Variants in SH3D19 observed in about 807,000 individuals in gnomAD.
The protein encoded by SH3D19 is SH3 domain-containing protein 19.
Under a neutral mutation model 112.1 loss-of-function variants are expected in SH3D19, and 58 were observed. That is an observed-to-expected ratio of 0.52 (90% confidence interval 0.42 to 0.64). The LOEUF (loss-of-function observed/expected upper bound fraction) is 0.64. Among genes scored for constraint, SH3D19 ranks in the 30% least tolerant of loss-of-function variants. SH3D19 has a pLI of 0.00. For synonymous variants in SH3D19, 391 were observed against 448.5 expected (o/e 0.87, Z 1.62); for missense variants, 1,090 against 1,263.4 (o/e 0.86, Z 2.08).
At chr4:151,225,838 T>C (rs542753048) in intron 2 of SH3D19, among the ~76,000 whole-genome samples, 2 of 152,326 alleles carry the variant, frequency 1.3e-5, no homozygotes, top group South Asian at 4.1e-4. Context: ...TGGGAATTCC[T>C]AAAATAAAAC....
At chr4:151,189,715 G>C (rs997252568) in intron 2 of SH3D19, among the ~76,000 whole-genome samples, 1 of 152,162 alleles carries the variant, frequency 6.6e-6, no homozygotes, top group African/African-American at 2.4e-5. Flanking sequence ...GTGGAACTGT[G>C]AGTCCAAAAA....
chr4:151,163,929 AT>A lies in SH3D19; in HGVS notation c.1642+1659del, dbSNP rs1172046574. On this transcript the variant is annotated intron_variant, in intron 8 of 19. Transcript: ENST00000604030. The stretch of plus-strand genomic sequence containing the variant: ...ACATTAAAATATTACCTCTAAAAAA[AT>A]AAAATATAACTTCCTAAGAAACTAG... Among the ~76,000 whole-genome samples the A allele has an allele frequency of 5.9e-5, 9 of 152,324 alleles. No individual in the cohort carries two copies. The South Asian group carries it at 1.2e-3, about 21-fold the overall frequency.
intron 1 of SH3D19, among the ~76,000 whole-genome samples, chr4:151,234,084 AT>A (rs1336783099): frequency 6.6e-6 from 1 of 152,132 alleles, no homozygotes; most frequent in African/African-American, 2.4e-5. Flanking sequence ...TACAATAGTG[AT>A]TTTGGTGTCA....
At chr4:151,275,853 T>A (rs1338867072) in intron 1 of SH3D19, among the ~76,000 whole-genome samples, 29 of 90,376 alleles carry the variant, frequency 3.2e-4, no homozygotes, top group African/African-American at 8.4e-4. Flanking sequence ...TTATTATTTT[T>A]TTTTTTTTAG....
intron 1 of SH3D19, among the ~76,000 whole-genome samples, chr4:151,324,335 C>T (rs1730836354): frequency 1.3e-5 from 2 of 152,148 alleles, no homozygotes; most frequent in Admixed American, 6.5e-5. Flanking sequence ...ATGGAATATT[C>T]GCTATATTCC....
At chr4:151,277,065 A>G (rs1773699217) in intron 1 of SH3D19, 1 of 769,626 alleles carries the variant, frequency 1.3e-6, no homozygotes, top group Admixed American at 3.9e-5. Flanking sequence ...GGGGTGAAGC[A>G]GAGGAATCCA....
At chr4:151,149,339 C>T (rs1208098035) in intron 10 of SH3D19, among the ~76,000 whole-genome samples, 161 bp downstream of exon 10, 1 of 152,110 alleles carries the variant, frequency 6.6e-6, no homozygotes, top group East Asian at 1.9e-4. Context: ...CCACAACCTA[C>T]CATTAGGAGC....
At chr4:151,278,117 C>A (rs1461863342) in intron 1 of SH3D19, among the ~76,000 whole-genome samples, 1 of 152,152 alleles carries the variant, frequency 6.6e-6, no homozygotes, top group East Asian at 1.9e-4. Context: ...ACAAATACTG[C>A]AAAATGCCAA....
intron 1 of SH3D19, among the ~76,000 whole-genome samples, chr4:151,254,931 C>T (rs1435917429): frequency 2.0e-5 from 3 of 148,618 alleles, no homozygotes; most frequent in Admixed American, 6.6e-5. Context: ...CCGGGAGGGG[C>T]GGCTGGCCAG....
At position 151,293,894 on chromosome 4, in the gene SH3D19, G is replaced by A. The variant is rs1178319077; in HGVS notation, c.112+31347C>T. ...AGCACCCTTTCAGCACCAGACTTCT[G>A]CATCTACTATTCCCTCTCCCCTGCT... On this transcript the variant is annotated intron_variant, in intron 1 of 19. Transcript: ENST00000604030. 2.6e-5 allele frequency among the ~76,000 whole-genome samples: 4 copies of A among 152,206 alleles called. No individual in the cohort carries two copies. In the East Asian group the frequency reaches 7.7e-4, roughly 29 times the overall value.
intron 1 of SH3D19, among the ~76,000 whole-genome samples, chr4:151,274,065 G>GATACACA (rs1408425199): frequency 1.1e-4 from 16 of 151,924 alleles, no homozygotes; most frequent in African/African-American, 3.9e-4. Context: ...AACAAAATTG[G>GATACACA]ATACACAAAA....
chr4:151,309,753 G>A (rs1202200214), intron 1 of SH3D19, among the ~76,000 whole-genome samples: 1 of 151,986 alleles, frequency 6.6e-6, no homozygotes, highest in Admixed American at 6.5e-5. Context: ...ACTTTGGGAG[G>A]CCAAGGCAGG....
At chr4:151,168,022 A>AAAAAC (rs199531626) in intron 7 of SH3D19, among the ~76,000 whole-genome samples, 9 of 152,244 alleles carry the variant, frequency 5.9e-5, no homozygotes, top group South Asian at 2.1e-4. Context: ...TTTTAGTTAA[A>AAAAAC]AAAACAAAAC....
intron 9 of SH3D19, among the ~76,000 whole-genome samples, chr4:151,154,958 A>T (rs1306847101): frequency 6.6e-6 from 1 of 151,900 alleles, no homozygotes; most frequent in Admixed American, 6.6e-5. Flanking sequence ...AGGTTTCACC[A>T]TGTTGGCCAG....
chr4:151,255,717 T>G (rs1360361893), intron 1 of SH3D19, among the ~76,000 whole-genome samples: 1 of 152,202 alleles, frequency 6.6e-6, no homozygotes, highest in Non-Finnish European at 1.5e-5. Flanking sequence ...ATCACGCCAC[T>G]GCACTCCAGC....
intron 16 of SH3D19, 51 bp downstream of exon 16, chr4:151,132,983 G>T: frequency 7.2e-7 from 1 of 1,384,720 alleles, no homozygotes; most frequent in Non-Finnish European, 1.0e-6. Context: ...GATATTATTT[G>T]GTTTATTTGA....
intron 8 of SH3D19, among the ~76,000 whole-genome samples, chr4:151,160,088 T>C (rs956450714): frequency 3.2e-5 from 4 of 125,132 alleles, no homozygotes; most frequent in Non-Finnish European, 5.0e-5. Flanking sequence ...GTTTTATTTC[T>C]TTTTTTTTTT....
At chr4:151,211,557 C>G (rs893716293) in intron 2 of SH3D19, among the ~76,000 whole-genome samples, 13 of 144,246 alleles carry the variant, frequency 9.0e-5, no homozygotes, top group Admixed American at 8.0e-4. Flanking sequence ...TTCCACCACA[C>G]ATTTAGCAAA....
chr4:151,148,254 TACACACACACACACAC>T (rs34219685), intron 10 of SH3D19, 68 bp from the exon 11 acceptor site: 379,273 of 982,226 alleles, frequency 0.39, 53,506 homozygotes, highest in Middle Eastern at 0.43. Context: ...TGTCCTGTCT[TACACACACACACACAC>T]ACACACACAC....
Sources: gnomAD v4.1 joint callset for allele counts (sites outside exome capture counted in the v4.1 genomes callset) on GRCh38, gnomAD v4.1.1 for gene constraint, MANE v1.5 for transcripts, NCBI Gene and HGNC (gene_info 2026-07-23, HGNC 2026-07-21) for gene names.